LRRTM4: variants seen among roughly 807,000 people sequenced by gnomAD.
LRRTM4 encodes the protein leucine rich repeat transmembrane neuronal 4, also known as leucine-rich repeat transmembrane neuronal protein 4.
Under a neutral mutation model 47.6 loss-of-function variants are expected in LRRTM4, and 25 were observed. That is an observed-to-expected ratio of 0.53 (90% CI 0.38 to 0.73). The LOEUF (loss-of-function observed/expected upper bound fraction) is 0.73. Among genes scored for constraint, LRRTM4 ranks in the 30% least tolerant of loss-of-function variants. The pLI is 0.00. For synonymous variants in LRRTM4, 311 were observed against 269.5 expected (o/e 1.15, Z -1.51); for missense variants, 638 against 713.4 (o/e 0.89, Z 1.20).
At chr2:77,510,901 C>A (rs1175753137) in intron 3 of LRRTM4, among the ~76,000 whole-genome samples, 1 of 151,936 alleles carries the variant, frequency 6.6e-6, no homozygotes, top group East Asian at 1.9e-4. Flanking sequence ...TATTTTAAAA[C>A]CTGCAGTCAA....
rs117899853 is a variant in LRRTM4, at chr2:76,983,638, T to C, written c.1552-234722A>G. Among the ~76,000 whole-genome samples the C allele has an allele frequency of 1.6e-3, 251 of 152,208 alleles. 6 individuals carry two copies. In the East Asian group the frequency reaches 0.036, roughly 22 times the overall value. On this transcript the variant is annotated intron_variant, in intron 3 of 3. Transcript: ENST00000409884. ...CTCAGGTGTGTCTTTATTAGTAGCA[T>C]GAGAATAGACTTATACAGTAATTAT...
chr2:76,977,102 G>C (rs1431106132), intron 3 of LRRTM4, among the ~76,000 whole-genome samples: 1 of 151,486 alleles, frequency 6.6e-6, no homozygotes, highest in Non-Finnish European at 1.5e-5. Flanking sequence ...CTTTGAGCTA[G>C]CAACCTGGCC....
In LRRTM4 at chr2:77,155,804, T is replaced by C. The variant is rs73940365; in HGVS notation, c.1551+362514A>G. Among the ~76,000 whole-genome samples, 468 of 152,190 alleles carry C rather than the reference T, an allele frequency of 3.1e-3. 4 individuals are homozygous for C. Among genetic ancestry groups the C allele is most frequent in the African/African-American group, 0.011 (451 of 41,528 alleles). On this transcript the variant is annotated intron_variant, in intron 3 of 3. Coordinates refer to ENST00000409884, the MANE Select transcript of LRRTM4 (RefSeq NM_001134745.3). ...TTACAGTTTAATAACAGAAATACAT[T>C]TGGTTGTTCTATTGTATTGCAGAGT...
intron 3 of LRRTM4, among the ~76,000 whole-genome samples, chr2:77,061,863 T>C (rs1679797993): frequency 6.6e-6 from 1 of 152,336 alleles, no homozygotes; most frequent in Non-Finnish European, 1.5e-5. Context: ...GCCTGATGAA[T>C]AAATTGAACC....
At chr2:76,956,885 A>G (rs1222382917) in intron 3 of LRRTM4, among the ~76,000 whole-genome samples, 3 of 151,584 alleles carry the variant, frequency 2.0e-5, no homozygotes, top group African/African-American at 7.3e-5. Flanking sequence ...CCCAGACTGA[A>G]TTACAAAGAA....
chr2:77,142,385 A>G (rs781529446), intron 3 of LRRTM4, among the ~76,000 whole-genome samples: 3 of 151,466 alleles, frequency 2.0e-5, no homozygotes, highest in Non-Finnish European at 4.4e-5. Flanking sequence ...TCGAAAACCT[A>G]ATGAGCCATT....
chr2:77,334,696 T>A (rs910652968), intron 3 of LRRTM4, among the ~76,000 whole-genome samples: 1 of 152,198 alleles, frequency 6.6e-6, no homozygotes, highest in African/African-American at 2.4e-5. Context: ...GAAAATGGAC[T>A]AATACAAATA....
chr2:76,948,474 G>A (rs1675395770), intron 3 of LRRTM4, among the ~76,000 whole-genome samples: 1 of 151,722 alleles, frequency 6.6e-6, no homozygotes, highest in African/African-American at 2.4e-5. Context: ...TTTAGGATGT[G>A]TCATCTCTTT....
At chr2:77,228,861 T>G (rs1167831616) in intron 3 of LRRTM4, among the ~76,000 whole-genome samples, 4 of 152,100 alleles carry the variant, frequency 2.6e-5, no homozygotes, top group Non-Finnish European at 4.4e-5. Flanking sequence ...TTAGAATAAG[T>G]GTGCATGAGG....
At chr2:77,024,348 G>A (rs1453194777) in intron 3 of LRRTM4, among the ~76,000 whole-genome samples, 2 of 152,020 alleles carry the variant, frequency 1.3e-5, no homozygotes, top group African/African-American at 2.4e-5. Flanking sequence ...TTGTCCTTCT[G>A]TGTCTGGCTT....
In LRRTM4 at chr2:76,748,627, A is replaced by T; in HGVS notation, c.*68T>A. ...CTCGATTGCGCGATTGTGGACACCCATTCTCCTTTAAGATGAAGGCCCTCC... is the reference window on the plus strand; with the variant it reads ...CTCGATTGCGCGATTGTGGACACCCTTTCTCCTTTAAGATGAAGGCCCTCC... On this transcript the variant is annotated 3_prime_UTR_variant, in exon 4 of 4. Coordinates refer to ENST00000409884, the MANE Select transcript of LRRTM4 (RefSeq NM_001134745.3). 7.8e-7 allele frequency: 1 copy of T among 1,282,090 alleles called. No homozygotes were observed. Among genetic ancestry groups the T allele is most frequent in the Non-Finnish European group, 1.1e-6 (1 of 898,920 alleles). 79.4% of individuals were successfully genotyped at this position (1,282,090 alleles called of 1,614,324 possible).
Position 77,094,631 on chromosome 2 carries a change from A to G in LRRTM4, c.1552-345715T>C, listed in dbSNP as rs192697335. 4.2e-4 allele frequency among the ~76,000 whole-genome samples: 64 copies of G among 152,316 alleles called. No individual in the cohort carries two copies. The East Asian group carries it at 0.011, about 26-fold the overall frequency. On this transcript the variant is annotated intron_variant, in intron 3 of 3. Transcript: ENST00000409884. ...AGCCCAGAAATAAACAAACCCAAGT[A>G]TTTGTGGTCAATTGATTTTTTACAG...
intron 3 of LRRTM4, among the ~76,000 whole-genome samples, chr2:77,033,773 T>G (rs563265564): frequency 3.2e-4 from 49 of 151,912 alleles, no homozygotes; most frequent in African/African-American, 1.0e-3. Context: ...ATATGTGGCT[T>G]GTTTGTCTCT....
At chr2:77,223,761 T>C (rs1188976594) in intron 3 of LRRTM4, among the ~76,000 whole-genome samples, 1 of 152,102 alleles carries the variant, frequency 6.6e-6, no homozygotes, top group Non-Finnish European at 1.5e-5. Context: ...GAAGAATCAA[T>C]ATCGTGAAAA....
chr2:77,206,354 T>C (rs551299645), intron 3 of LRRTM4, among the ~76,000 whole-genome samples: 1 of 151,912 alleles, frequency 6.6e-6, no homozygotes, highest in East Asian at 2.0e-4. Context: ...AATTTTTGTA[T>C]TTTTAGTGGT....
At chr2:77,109,620 C>T (rs1161326297) in intron 3 of LRRTM4, among the ~76,000 whole-genome samples, 2 of 151,726 alleles carry the variant, frequency 1.3e-5, no homozygotes, top group Non-Finnish European at 2.9e-5. Flanking sequence ...TTGGGCCAAG[C>T]ATCAACTTAA....
At chr2:76,873,506 G>GTGTGTATATATATATATATATATA (rs367573475) in intron 3 of LRRTM4, among the ~76,000 whole-genome samples, 4 of 112,312 alleles carry the variant, frequency 3.6e-5, no homozygotes, top group African/African-American at 1.3e-4. Flanking sequence ...ATATATGTGT[G>GTGTGTATATATATATATATATATA]TATATATATA....
chr2:76,846,629 AT>A (rs1292931666), intron 3 of LRRTM4, among the ~76,000 whole-genome samples: 2 of 152,162 alleles, frequency 1.3e-5, no homozygotes, highest in African/African-American at 4.8e-5. Flanking sequence ...AAAAATATAT[AT>A]GGATAGTTGA....
intron 3 of LRRTM4, among the ~76,000 whole-genome samples, chr2:77,412,442 C>T (rs1392234767): frequency 6.6e-6 from 1 of 152,164 alleles, no homozygotes; most frequent in Non-Finnish European, 1.5e-5. Flanking sequence ...AAGCGTTTTG[C>T]AAGCAGCTAC....
Sources: allele counts gnomAD v4.1 joint callset (sites outside exome capture counted in the v4.1 genomes callset), GRCh38; gene constraint gnomAD v4.1.1; transcripts MANE v1.5; gene names NCBI Gene and HGNC (gene_info 2026-07-23, HGNC 2026-07-21).